Variants in ZNF385D observed in about 807,000 individuals in gnomAD.
ZNF385D encodes the protein zinc finger protein 659.
A neutral mutation model predicts 35.8 loss-of-function variants in ZNF385D; 15 were observed. That is an observed-to-expected ratio of 0.42 (90% CI 0.28 to 0.64). The LOEUF (loss-of-function observed/expected upper bound fraction) is 0.64, where lower values mean the gene tolerates loss of function less well. Among genes scored for constraint, ZNF385D ranks in the 30% least tolerant of loss-of-function variants. ZNF385D has a pLI of 0.23. For missense variants in ZNF385D, 474 were observed against 494.6 expected (o/e 0.96, Z 0.39); for synonymous variants, 212 against 186.8 (o/e 1.13, Z -1.10).
At chr3:21,701,457 C>T (rs1054056109) in intron 1 of ZNF385D, among the ~76,000 whole-genome samples, 44 of 152,224 alleles carry the variant, frequency 2.9e-4, no homozygotes, top group African/African-American at 1.0e-3. Context: ...TATGGGAATT[C>T]TGGGAGATAG....
intron 3 of ZNF385D, among the ~76,000 whole-genome samples, chr3:22,030,304 C>CATATATTA (rs1553591410): frequency 2.8e-5 from 1 of 36,040 alleles, no homozygotes; most frequent in Non-Finnish European, 5.1e-5. Flanking sequence ...TATATATATC[C>CATATATTA]TATTTGGTCC....
At chr3:21,779,171 A>G (rs1312116200) in intron 3 of ZNF385D, among the ~76,000 whole-genome samples, 4 of 151,974 alleles carry the variant, frequency 2.6e-5, no homozygotes, top group East Asian at 1.9e-4. Context: ...AGCTCCAAAG[A>G]CAAAGCCACA....
At chr3:21,660,767 C>T (rs566565493) in intron 2 of ZNF385D, among the ~76,000 whole-genome samples, 1 of 152,172 alleles carries the variant, frequency 6.6e-6, no homozygotes, top group Non-Finnish European at 1.5e-5. Context: ...GATAACAAAC[C>T]TAAGAGTCTG....
intron 2 of ZNF385D, among the ~76,000 whole-genome samples, chr3:22,340,517 A>G (rs531056208): frequency 6.6e-6 from 1 of 152,106 alleles, no homozygotes; most frequent in Non-Finnish European, 1.5e-5. Flanking sequence ...GATGTGGTGC[A>G]CGCCTGTAAT....
At chr3:22,297,591 T>C (rs1331379424) in intron 2 of ZNF385D, among the ~76,000 whole-genome samples, 4 of 151,964 alleles carry the variant, frequency 2.6e-5, no homozygotes, top group Non-Finnish European at 5.9e-5. Context: ...CTAGGCAATA[T>C]GGGGGAATGA....
At chr3:22,025,094 C>T (rs141775995) in intron 3 of ZNF385D, among the ~76,000 whole-genome samples, 2,492 of 152,156 alleles carry the variant, frequency 0.016, 82 homozygotes, top group African/African-American at 0.056. Flanking sequence ...GTGGGAGGAC[C>T]CTGATGAAGC....
rs539812222 is a variant in ZNF385D at position 22,255,187 on chromosome 3, A to AAAAAG, written c.107-86157_107-86153dup. Among the ~76,000 whole-genome samples, 1,454 of 151,864 alleles carry AAAAAG rather than the reference A, an allele frequency of 9.6e-3. 11 individuals are homozygous for AAAAAG. The highest frequency in any genetic ancestry group is 0.017 in the Middle Eastern group (5 of 294). ...ACCTTGAAAAATGCTCATAAGAAAA[A>AAAAAG]AAAAGAAAAGAAAAGAAAAAAACTT... is the stretch of plus-strand genomic sequence containing the variant. On this transcript the variant is annotated intron_variant, in intron 2 of 5. Transcript: ENST00000494108.
chr3:21,808,870 T>G (rs1238416427), intron 3 of ZNF385D, among the ~76,000 whole-genome samples: 1 of 152,182 alleles, frequency 6.6e-6, no homozygotes, highest in Non-Finnish European at 1.5e-5. Context: ...GACCTCTGGG[T>G]AGCACCAAAG....
At chr3:22,206,679 G>A (rs553361046) in intron 2 of ZNF385D, among the ~76,000 whole-genome samples, 1 of 151,842 alleles carries the variant, frequency 6.6e-6, no homozygotes, top group South Asian at 2.1e-4. Flanking sequence ...GAGTGACAAC[G>A]GAGTGAATGA....
chr3:22,012,844 C>T (rs892754593), intron 3 of ZNF385D, among the ~76,000 whole-genome samples: 1 of 152,066 alleles, frequency 6.6e-6, no homozygotes, highest in Non-Finnish European at 1.5e-5. Flanking sequence ...CAATAGATTA[C>T]ATTTATTTAA....
intron 2 of ZNF385D, among the ~76,000 whole-genome samples, chr3:21,590,269 C>T (rs1361363439): frequency 6.6e-6 from 1 of 152,078 alleles, no homozygotes; most frequent in African/African-American, 2.4e-5. Context: ...TATGTATATG[C>T]TATGCTATTT....
chr3:21,714,154 G>T (rs1454923225), intron 1 of ZNF385D, among the ~76,000 whole-genome samples: 2 of 152,070 alleles, frequency 1.3e-5, no homozygotes, highest in Non-Finnish European at 2.9e-5. Flanking sequence ...GATATTAACT[G>T]TGCCCATAAT....
chr3:21,809,548 G>C (rs1289218350), intron 3 of ZNF385D, among the ~76,000 whole-genome samples: 1 of 151,194 alleles, frequency 6.6e-6, no homozygotes, highest in Non-Finnish European at 1.5e-5. Flanking sequence ...ATTTAAGAAT[G>C]TATATAACCC....
At chr3:21,705,879 C>G (rs1268586365) in intron 1 of ZNF385D, among the ~76,000 whole-genome samples, 2 of 152,148 alleles carry the variant, frequency 1.3e-5, no homozygotes, top group Non-Finnish European at 2.9e-5. Context: ...CCCAGTAGCT[C>G]AATTCCTGCC....
At position 21,602,512 on chromosome 3, in the gene ZNF385D, A is replaced by ATTTTTTTTTTTTTT. The variant is rs199882061; in HGVS notation, c.166-37829_166-37828insAAAAAAAAAAAAAA. 3.4e-4 allele frequency among the ~76,000 whole-genome samples: 31 copies of ATTTTTTTTTTTTTT among 90,198 alleles called. 2 individuals carry two copies. Among genetic ancestry groups the ATTTTTTTTTTTTTT allele is most frequent in the African/African-American group, 8.2e-4 (14 of 17,122 alleles). 59.2% of individuals were successfully genotyped at this position (90,198 alleles called of 152,430 possible). A position where few individuals can be genotyped will look rare whatever the true frequency, so the allele number is the denominator to read the frequency against. Reference sequence around the variant, plus strand: ...GAATTTAGGTCTCCTGTTTCCCTGCATTTTCTTTTTTTTTTTTTTTTTTTT... The same window carrying ATTTTTTTTTTTTTT: ...GAATTTAGGTCTCCTGTTTCCCTGCATTTTTTTTTTTTTTTTTTCTTTTTTTTTTTTTTTTTTTT... On this transcript the variant is annotated intron_variant, in intron 2 of 7. Transcript: ENST00000281523.
intron 3 of ZNF385D, among the ~76,000 whole-genome samples, chr3:21,865,109 C>T (rs1697276274): frequency 9.8e-6 from 1 of 102,242 alleles, no homozygotes; most frequent in Admixed American, 1.5e-4. Flanking sequence ...GCCGTATCTA[C>T]TTTCATGTGG....
chr3:21,735,783 G>C (rs1323263955), intron 1 of ZNF385D, among the ~76,000 whole-genome samples: 3 of 152,204 alleles, frequency 2.0e-5, no homozygotes, highest in South Asian at 2.1e-4. Context: ...CAACACAAGA[G>C]AAAAGCTGAT....
chr3:21,476,841 C>T (rs547895076), intron 4 of ZNF385D, among the ~76,000 whole-genome samples: 1 of 152,116 alleles, frequency 6.6e-6, no homozygotes, highest in Non-Finnish European at 1.5e-5. Context: ...TCTTTCCCAT[C>T]TGTGGAAGAG....
At chr3:21,569,068 T>C (rs936828233) in intron 2 of ZNF385D, among the ~76,000 whole-genome samples, 2 of 152,114 alleles carry the variant, frequency 1.3e-5, no homozygotes, top group Non-Finnish European at 2.9e-5. Context: ...TCTGTAGATG[T>C]CTATTAGGTC....
Sources: gnomAD v4.1 joint callset for allele counts (sites outside exome capture counted in the v4.1 genomes callset) on GRCh38, gnomAD v4.1.1 for gene constraint, MANE v1.5 for transcripts, NCBI Gene and HGNC (gene_info 2026-07-23, HGNC 2026-07-21) for gene names.